The following AUTS2 variants were observed in gnomAD, a reference collection of about 807,000 sequenced individuals.
AUTS2 encodes the protein activator of transcription and developmental regulator AUTS2, also known as autism susceptibility gene 2 protein.
Under a neutral mutation model 112.4 loss-of-function variants are expected in AUTS2, and 17 were observed. That is an observed-to-expected ratio of 0.15 (90% CI 0.10 to 0.23). AUTS2 has a LOEUF of 0.23. Among genes scored for constraint, AUTS2 ranks in the 10% least tolerant of loss-of-function variants. The pLI is 1.00. For missense variants in AUTS2, 1,510 were observed against 1,701.6 expected, an observed-to-expected ratio of 0.89 and a Z score of 1.98; for synonymous variants, 751 against 702.7, an observed-to-expected ratio of 1.07 and a Z score of -1.09.
intron 6 of AUTS2, among the ~76,000 whole-genome samples, chr7:70,752,070 G>A (rs1160136346): frequency 6.6e-6 from 1 of 151,858 alleles, no homozygotes; most frequent in Non-Finnish European, 1.5e-5. Context: ...CTGTGTATGT[G>A]CGTAGTACAC....
chr7:70,706,675 G>C (rs1352813989), intron 6 of AUTS2, among the ~76,000 whole-genome samples: 1 of 152,160 alleles, frequency 6.6e-6, no homozygotes, highest in Non-Finnish European at 1.5e-5. Context: ...AGTTAGATCT[G>C]ATAAGTTGTC....
At chr7:70,404,021 A>G (rs561536487) in intron 4 of AUTS2, among the ~76,000 whole-genome samples, 16 of 152,368 alleles carry the variant, frequency 1.1e-4, no homozygotes, top group Admixed American at 5.9e-4. Flanking sequence ...TTTAAGAAAA[A>G]GAGAATTTGA....
chr7:69,767,394 C>T (rs529996432), intron 1 of AUTS2, among the ~76,000 whole-genome samples: 1 of 152,238 alleles, frequency 6.6e-6, no homozygotes, highest in African/African-American at 2.4e-5. Flanking sequence ...CCAGGCTGGA[C>T]TCAAACTACT....
At chr7:69,945,399 T>G (rs930878485) in intron 2 of AUTS2, among the ~76,000 whole-genome samples, 1 of 152,192 alleles carries the variant, frequency 6.6e-6, no homozygotes, top group African/African-American at 2.4e-5. Context: ...AGCATAATGT[T>G]TTCAATATTC....
chr7:70,165,034 GAAA>G (rs1235604292), intron 4 of AUTS2, among the ~76,000 whole-genome samples: 1 of 151,932 alleles, frequency 6.6e-6, no homozygotes, highest in Non-Finnish European at 1.5e-5. Flanking sequence ...GTAAGAGTCA[GAAA>G]AAAATGCTAG....
chr7:70,563,862 T>C (rs1801593764), intron 5 of AUTS2, among the ~76,000 whole-genome samples: 1 of 152,168 alleles, frequency 6.6e-6, no homozygotes, highest in South Asian at 2.1e-4. Flanking sequence ...TTATTTCATA[T>C]TGCTGCTCCA....
chr7:70,718,872 C>CT (rs1043649581), intron 6 of AUTS2, among the ~76,000 whole-genome samples: 11 of 152,144 alleles, frequency 7.2e-5, no homozygotes, highest in Middle Eastern at 3.4e-3. Context: ...GGCCTGGACA[C>CT]TTTTGAGAGT....
chr7:70,580,512 A>G (rs894310572), intron 5 of AUTS2, among the ~76,000 whole-genome samples: 8 of 152,156 alleles, frequency 5.3e-5, no homozygotes, highest in Non-Finnish European at 1.0e-4. Context: ...TCTCCTGTGG[A>G]AAAACAGTTC....
chr7:70,061,864 T>G (rs1455399761), intron 2 of AUTS2, among the ~76,000 whole-genome samples: 1 of 151,772 alleles, frequency 6.6e-6, no homozygotes, highest in African/African-American at 2.4e-5. Flanking sequence ...CTCAGGTCAC[T>G]GGAACCTCTG....
intron 4 of AUTS2, among the ~76,000 whole-genome samples, chr7:70,248,031 C>A (rs1462581351): frequency 6.6e-6 from 1 of 152,094 alleles, no homozygotes; most frequent in Non-Finnish European, 1.5e-5. Context: ...AATTGATTTT[C>A]CAATGTTAAA....
intron 5 of AUTS2, among the ~76,000 whole-genome samples, chr7:70,530,896 A>G (rs1220779307): frequency 8.6e-5 from 13 of 151,916 alleles, no homozygotes; most frequent in Admixed American, 8.5e-4. Context: ...TCTTGTTCTT[A>G]TTATCGTTGG....
intron 1 of AUTS2, among the ~76,000 whole-genome samples, chr7:69,707,058 A>G (rs1798090724): frequency 6.6e-6 from 1 of 152,160 alleles, no homozygotes; most frequent in South Asian, 2.1e-4. Context: ...CTGTATAGAG[A>G]ACACCTGAAT....
At chr7:69,861,671 TG>T (rs1422501438) in intron 1 of AUTS2, among the ~76,000 whole-genome samples, 2 of 152,220 alleles carry the variant, frequency 1.3e-5, no homozygotes, top group African/African-American at 4.8e-5. Flanking sequence ...TGTTTTCTTT[TG>T]CCTAATTAAT....
intron 5 of AUTS2, among the ~76,000 whole-genome samples, chr7:70,607,589 T>C (rs1803852314): frequency 6.6e-6 from 1 of 152,172 alleles, no homozygotes; most frequent in Admixed American, 6.5e-5. Flanking sequence ...TTACCAGATG[T>C]CCTTGATAGT....
intron 17 of AUTS2, among the ~76,000 whole-genome samples, chr7:70,786,715 G>A (rs1791514753): frequency 6.6e-6 from 1 of 152,186 alleles, no homozygotes; most frequent in Non-Finnish European, 1.5e-5. Flanking sequence ...GTCACAGGTC[G>A]GTCTTTATTT....
At chr7:69,614,124 C>T (rs1236937367) in intron 1 of AUTS2, among the ~76,000 whole-genome samples, 2 of 152,128 alleles carry the variant, frequency 1.3e-5, no homozygotes, top group Non-Finnish European at 2.9e-5. Context: ...CTAAGATGGG[C>T]CTCCTCACAG....
chr7:69,742,790 T>C (rs1787324944), intron 1 of AUTS2, among the ~76,000 whole-genome samples: 1 of 152,212 alleles, frequency 6.6e-6, no homozygotes, highest in Non-Finnish European at 1.5e-5. Flanking sequence ...CATTTAAAGC[T>C]CTTCTCCAAG....
intron 6 of AUTS2, among the ~76,000 whole-genome samples, chr7:70,720,740 T>A (rs537768690): frequency 2.1e-4 from 32 of 152,270 alleles, no homozygotes; most frequent in African/African-American, 7.5e-4. Flanking sequence ...CCTTTTAAAG[T>A]GGTTCCAAAC....
At chr7:69,891,968 T>A (rs1794545477) in intron 1 of AUTS2, among the ~76,000 whole-genome samples, 1 of 150,946 alleles carries the variant, frequency 6.6e-6, no homozygotes, top group African/African-American at 2.4e-5. Flanking sequence ...AATTTTTTTG[T>A]ATTTTTAGTA....
Sources: gnomAD v4.1 joint callset for allele counts (sites outside exome capture counted in the v4.1 genomes callset) on GRCh38, gnomAD v4.1.1 for gene constraint, MANE v1.5 for transcripts, NCBI Gene and HGNC (gene_info 2026-07-23, HGNC 2026-07-21) for gene names.